Variants in BICD1 observed in about 807,000 individuals in gnomAD.
The protein encoded by BICD1 is BICD cargo adaptor 1, also known as protein bicaudal D homolog 1.
In BICD1, 35 loss-of-function variants were observed where a neutral mutation model predicts 92.5. The ratio of observed to expected loss-of-function variants is 0.38; its 90% CI spans 0.29 to 0.50. BICD1 has a LOEUF of 0.50. Ranked by LOEUF, BICD1 falls within the 20% of genes least tolerant of loss-of-function variation. The probability of loss-of-function intolerance (pLI) is 0.93; values close to 1 mark genes in which losing one functional copy is unlikely to be tolerated. For synonymous variants in BICD1, 429 were observed against 465.1 expected, an observed-to-expected ratio of 0.92 and a Z score of 1.00; for missense variants, 950 against 1,189.8, an observed-to-expected ratio of 0.80 and a Z score of 2.97.
At chr12:32,240,233 G>T (rs934041621) in intron 2 of BICD1, among the ~76,000 whole-genome samples, 19 of 152,126 alleles carry the variant, frequency 1.2e-4, no homozygotes, top group Admixed American at 2.6e-4. Context: ...ATTTTTTATG[G>T]CTGCTATACC....
At chr12:32,350,127 T>G (rs1005366780) in intron 8 of BICD1, among the ~76,000 whole-genome samples, 5 of 152,170 alleles carry the variant, frequency 3.3e-5, no homozygotes, top group Admixed American at 1.3e-4. Context: ...ATAGCTCAAC[T>G]GATGTGTAGT....
chr12:32,133,080 A>G (rs189511505), intron 1 of BICD1, among the ~76,000 whole-genome samples: 209 of 152,346 alleles, frequency 1.4e-3, no homozygotes, highest in Middle Eastern at 3.4e-3. Flanking sequence ...GAGATATAAA[A>G]AGGAATAAAA....
At chr12:32,346,932 C>T (rs1265149062) in intron 8 of BICD1, among the ~76,000 whole-genome samples, 5 of 144,174 alleles carry the variant, frequency 3.5e-5, no homozygotes, top group African/African-American at 7.7e-5. Flanking sequence ...GCATGTATTT[C>T]GGTTTTATTT....
At chr12:32,324,023 T>C (rs895114516) in intron 4 of BICD1, among the ~76,000 whole-genome samples, 9 of 152,176 alleles carry the variant, frequency 5.9e-5, no homozygotes, top group African/African-American at 1.9e-4. Context: ...AAGAGTATTT[T>C]GATCTTGCCT....
At chr12:32,251,629 A>G (rs968150348) in intron 2 of BICD1, among the ~76,000 whole-genome samples, 1 of 152,170 alleles carries the variant, frequency 6.6e-6, no homozygotes, top group Non-Finnish European at 1.5e-5. Context: ...ATACAGCTAC[A>G]TACTGTTCTA....
intron 2 of BICD1, among the ~76,000 whole-genome samples, chr12:32,252,086 A>AATAAATATTATATATTATATATTTAT (rs1565619376): frequency 5.9e-4 from 16 of 27,030 alleles, no homozygotes; most frequent in African/African-American, 2.9e-3. Flanking sequence ...ATATATTTAT[A>AATAAATATTATATATTATATATTTAT]AATATATATT....
intron 3 of BICD1, among the ~76,000 whole-genome samples, chr12:32,300,133 G>A (rs7973680): frequency 0.14 from 21,374 of 151,142 alleles, 2,069 homozygotes; most frequent in African/African-American, 0.27. Context: ...ACAGAGGCTC[G>A]CTCTGTCGCC....
intron 2 of BICD1, among the ~76,000 whole-genome samples, chr12:32,245,529 G>A (rs1315289475): frequency 6.6e-6 from 1 of 152,198 alleles, no homozygotes; most frequent in Non-Finnish European, 1.5e-5. Flanking sequence ...AGGCCATATA[G>A]CTTAGCAATT....
intron 2 of BICD1, among the ~76,000 whole-genome samples, chr12:32,256,985 C>T (rs543158120): frequency 2.6e-5 from 4 of 152,112 alleles, no homozygotes; most frequent in Non-Finnish European, 4.4e-5. Flanking sequence ...GAGGCCAAGG[C>T]GGGCGGATCA....
chr12:32,235,373 C>T (rs1198028351), intron 2 of BICD1, among the ~76,000 whole-genome samples: 1 of 152,156 alleles, frequency 6.6e-6, no homozygotes, highest in East Asian at 1.9e-4. Flanking sequence ...AATCTTGTAT[C>T]ATCTTTGAAT....
intron 8 of BICD1, among the ~76,000 whole-genome samples, chr12:32,351,164 T>TAAAA (rs71445892): frequency 1.5e-5 from 2 of 137,844 alleles, no homozygotes; most frequent in Non-Finnish European, 3.1e-5. Flanking sequence ...AATAATTACT[T>TAAAA]AAAAAAAAAA....
chr12:32,349,842 C>A (rs1398582278), intron 8 of BICD1, among the ~76,000 whole-genome samples: 2 of 152,244 alleles, frequency 1.3e-5, no homozygotes, highest in Non-Finnish European at 2.9e-5. Flanking sequence ...TGAATTCTGA[C>A]AACGTGCCAA....
chr12:32,341,492 G>T (rs1938366840), intron 8 of BICD1, among the ~76,000 whole-genome samples: 1 of 149,514 alleles, frequency 6.7e-6, no homozygotes. Flanking sequence ...AGAGATATAA[G>T]GAATGTGGAA....
intron 2 of BICD1, among the ~76,000 whole-genome samples, chr12:32,261,672 G>A (rs2136127467): frequency 6.6e-6 from 1 of 152,310 alleles, no homozygotes; most frequent in South Asian, 2.1e-4. Flanking sequence ...TTGTGGTGTT[G>A]TTTCCTGGAA....
chr12:32,264,621 G>A (rs922779596), intron 2 of BICD1, among the ~76,000 whole-genome samples: 1 of 152,044 alleles, frequency 6.6e-6, no homozygotes, highest in Non-Finnish European at 1.5e-5. Context: ...CCAAGTAGCT[G>A]GGACTACAGG....
chr12:32,172,452 G>T (rs955708232), intron 1 of BICD1, among the ~76,000 whole-genome samples: 1 of 152,220 alleles, frequency 6.6e-6, no homozygotes, highest in African/African-American at 2.4e-5. Flanking sequence ...GCCCTCCAGA[G>T]AAAAGGTAGT....
intron 8 of BICD1, among the ~76,000 whole-genome samples, chr12:32,344,826 C>G (rs2136292087): frequency 6.6e-6 from 1 of 152,062 alleles, no homozygotes; most frequent in South Asian, 2.1e-4. Context: ...TGTCTTTTTC[C>G]ACAGGATTCA....
chr12:32,152,823 G>C (rs1382301613), intron 1 of BICD1, among the ~76,000 whole-genome samples: 1 of 152,134 alleles, frequency 6.6e-6, no homozygotes, highest in African/African-American at 2.4e-5. Context: ...ACACAGCCAC[G>C]TATGGCTGGA....
intron 2 of BICD1, among the ~76,000 whole-genome samples, chr12:32,216,833 A>C (rs990351975): frequency 6.6e-6 from 1 of 152,216 alleles, no homozygotes; most frequent in Non-Finnish European, 1.5e-5. Context: ...CCTGATTTCC[A>C]GCTGACAGTG....
Sources: allele counts gnomAD v4.1 joint callset (sites outside exome capture counted in the v4.1 genomes callset), GRCh38; gene constraint gnomAD v4.1.1; transcripts MANE v1.5; gene names NCBI Gene and HGNC (gene_info 2026-07-23, HGNC 2026-07-21).